The following ADCY1 variants were observed in gnomAD, a reference collection of about 807,000 sequenced individuals.
The protein encoded by ADCY1 is adenylate cyclase 1, also known as adenylate cyclase type 1.
ADCY1 carries 28 observed loss-of-function variants against 105.4 expected under a neutral mutation model. The observed-to-expected ratio is 0.27, with a 90% CI of 0.20 to 0.36. The LOEUF (loss-of-function observed/expected upper bound fraction) is 0.36. Ranked by LOEUF, ADCY1 falls within the 10% of genes least tolerant of loss-of-function variation. ADCY1 has a pLI of 1.00. For synonymous variants in ADCY1, 655 were observed against 623.8 expected, an observed-to-expected ratio of 1.05 and a Z score of -0.75; for missense variants, 977 against 1,434.2, an observed-to-expected ratio of 0.68 and a Z score of 5.15.
At chr7:45,632,749 T>C (rs1198769757) in intron 4 of ADCY1, among the ~76,000 whole-genome samples, 1 of 151,968 alleles carries the variant, frequency 6.6e-6, no homozygotes, top group East Asian at 1.9e-4. Context: ...TTTTTTTTTT[T>C]TGTAGAGACA....
intron 1 of ADCY1, among the ~76,000 whole-genome samples, chr7:45,582,185 C>T (rs1014388885): frequency 1.3e-5 from 2 of 152,242 alleles, no homozygotes; most frequent in East Asian, 1.9e-4. Flanking sequence ...TGTTCATGCT[C>T]ACCTACACTC....
At chr7:45,590,706 G>C (rs1018888661) in intron 1 of ADCY1, among the ~76,000 whole-genome samples, 5 of 152,102 alleles carry the variant, frequency 3.3e-5, no homozygotes, top group African/African-American at 1.2e-4. Context: ...TCATAGTGGA[G>C]ATTTCAAGGT....
At chr7:45,583,495 A>G (rs561883649) in intron 1 of ADCY1, among the ~76,000 whole-genome samples, 58 of 152,306 alleles carry the variant, frequency 3.8e-4, no homozygotes, top group African/African-American at 1.2e-3. Flanking sequence ...ATCAGAGTAC[A>G]GTGTTTCCTT....
At position 45,686,482 on chromosome 7, in the gene ADCY1, T is replaced by G; in HGVS notation, c.2328-65T>G. 1 of 1,557,802 alleles carries G rather than the reference T, an allele frequency of 6.4e-7. No homozygotes were observed. The highest frequency in any genetic ancestry group is 8.7e-7 in the Non-Finnish European group (1 of 1,148,950). On this transcript the variant is annotated intron_variant, in intron 13 of 19. Transcript: ENST00000297323. The surrounding 1 kb of genome is among the most constrained non-coding windows in gnomAD (Gnocchi z 4.3). Reference sequence around the variant, plus strand: ...GGTCACTCTGAACAGTTCTTGGGTTTGGTGGCAGAGTCTTGCCCTGGAAGC... The same window carrying G: ...GGTCACTCTGAACAGTTCTTGGGTTGGGTGGCAGAGTCTTGCCCTGGAAGC...
rs568396297 is a variant in ADCY1, at chr7:45,703,032, G to C, written c.2455-344G>C. On this transcript the variant is annotated intron_variant, in intron 14 of 19. Transcript: ENST00000297323. This position sits in a 1 kb window ranked among gnomAD's most constrained non-coding sequence, Gnocchi z 5.9. ...GCACATCAGGAGCTGCCTGGGGGCT[G>C]GTGGAGCCTGTGGATGGGCACATGC... Among the ~76,000 whole-genome samples, 1 of 152,354 alleles carries C rather than the reference G, an allele frequency of 6.6e-6. No individual in the cohort carries two copies. Among genetic ancestry groups the C allele is most frequent in the South Asian group, 2.1e-4 (1 of 4,834 alleles).
intron 1 of ADCY1, among the ~76,000 whole-genome samples, chr7:45,586,709 G>T (rs925831326): frequency 3.3e-5 from 5 of 152,236 alleles, no homozygotes; most frequent in African/African-American, 1.2e-4. Flanking sequence ...GGGACTGAGT[G>T]GTGTCCACTG....
intron 7 of ADCY1, 139 bp downstream of exon 7, chr7:45,660,322 C>T (rs1421335734): frequency 1.6e-6 from 2 of 1,234,254 alleles, no homozygotes; most frequent in South Asian, 1.5e-5. Context: ...GGAGAGTTGT[C>T]CCCACTGACA....
intron 6 of ADCY1, among the ~76,000 whole-genome samples, chr7:45,659,835 G>A (rs11973107): frequency 6.6e-6 from 1 of 152,148 alleles, no homozygotes; most frequent in Non-Finnish European, 1.5e-5. Flanking sequence ...CTGTCCTGCT[G>A]GGCATGGTTC....
At chr7:45,659,265 G>A (rs1267498708) in intron 6 of ADCY1, among the ~76,000 whole-genome samples, 1 of 152,190 alleles carries the variant, frequency 6.6e-6, no homozygotes, top group Non-Finnish European at 1.5e-5. Context: ...CCCTGCTTTC[G>A]TCCTCAGCCA....
In ADCY1 at chr7:45,648,726, C is replaced by A. The variant is rs761956492; in HGVS notation, c.1077C>A (p.Gly359=). Residue 359 remains glycine, a synonymous_variant, in exon 5 of 20, where the codon GGC becomes GGA. Coordinates refer to ENST00000297323, the MANE Select transcript of ADCY1 (RefSeq NM_021116.4). ...ILGDCYYCVS[G]LTQPKTDHAH... ...GGGACTGCTACTACTGCGTGTCGGG[C>A]CTCACCCAGCCCAAGACTGACCATG... is the stretch of plus-strand genomic sequence containing the variant. 2.5e-6 allele frequency: 4 copies of A among 1,614,180 alleles called. No homozygotes were observed. Among genetic ancestry groups the A allele is most frequent in the Non-Finnish European group, 3.4e-6 (4 of 1,180,020 alleles).
At chr7:45,650,529 T>G (rs1197690124) in intron 5 of ADCY1, among the ~76,000 whole-genome samples, 3 of 151,912 alleles carry the variant, frequency 2.0e-5, no homozygotes, top group Non-Finnish European at 4.4e-5. Context: ...ACAAGCAGAG[T>G]TGAATGATGT....
intron 1 of ADCY1, among the ~76,000 whole-genome samples, chr7:45,577,417 A>G (rs970709230): frequency 5.3e-5 from 8 of 152,186 alleles, no homozygotes; most frequent in African/African-American, 9.7e-5. Context: ...CTGCTTTCCA[A>G]TTAGAGAATT....
intron 4 of ADCY1, 25 bp downstream of exon 4, chr7:45,622,768 C>T (rs774276535): frequency 3.0e-5 from 48 of 1,579,316 alleles, no homozygotes; most frequent in Non-Finnish European, 3.9e-5. Context: ...TTTCTTTGTT[C>T]GAATTAAATT....
chr7:45,605,565 ATT>A (rs57760402), intron 2 of ADCY1, among the ~76,000 whole-genome samples: 3 of 147,578 alleles, frequency 2.0e-5, no homozygotes, highest in Non-Finnish European at 4.5e-5. Flanking sequence ...TTGCTATGTG[ATT>A]TTTTTTTTTA....
rs1334583472 is a variant in ADCY1, at chr7:45,664,175, G to A, written c.1605+1961G>A. The A allele has an allele frequency of 6.3e-6, 6 of 953,410 alleles. No individual in the cohort carries two copies. In the Admixed American group the frequency reaches 6.3e-5, roughly 10 times the overall value. The allele number at this position is 953,410 out of a possible 1,614,324, so 59.1% of individuals were successfully genotyped here. On this transcript the variant is annotated intron_variant, in intron 8 of 19. Coordinates refer to ENST00000297323, the MANE Select transcript of ADCY1 (RefSeq NM_021116.4). ...AGGGTGGGGCGTTCCTGCTAAAACT[G>A]GATTTTACAAGGAAGTGCACCGTTG...
chr7:45,659,827 G>C (rs1043068939), intron 6 of ADCY1, among the ~76,000 whole-genome samples: 1 of 152,120 alleles, frequency 6.6e-6, no homozygotes, highest in Non-Finnish European at 1.5e-5. Flanking sequence ...CATCCCTGCT[G>C]TCCTGCTGGG....
intron 4 of ADCY1, among the ~76,000 whole-genome samples, chr7:45,634,986 A>C (rs962926705): frequency 6.6e-6 from 1 of 152,086 alleles, no homozygotes; most frequent in African/African-American, 2.4e-5. Flanking sequence ...CCTTTTGTTG[A>C]ATTTTTTGGA....
At chr7:45,711,672 T>C (rs1212112486) in intron 19 of ADCY1, among the ~76,000 whole-genome samples, 8 of 140,716 alleles carry the variant, frequency 5.7e-5, no homozygotes, top group African/African-American at 1.6e-4. Flanking sequence ...TATACACATA[T>C]ACACATATAT....
chr7:45,718,556 A>G lies in ADCY1; in HGVS notation c.*4561A>G, dbSNP rs1248107778. 4 of 152,244 alleles carry G rather than the reference A, an allele frequency of 2.6e-5. No homozygotes were observed. Among genetic ancestry groups the G allele is most frequent in the Non-Finnish European group, 4.4e-5 (3 of 68,088 alleles). The allele number at this position is 152,244 out of a possible 1,614,324, so 9.4% of individuals were successfully genotyped here. ...AGGAACTCACATACCCCAAATAACC[A>G]TCAGTGCACAAATCATTCCATGCTC... is the stretch of plus-strand genomic sequence containing the variant. On this transcript the variant is annotated 3_prime_UTR_variant, in exon 20 of 20. Coordinates refer to ENST00000297323, the MANE Select transcript of ADCY1 (RefSeq NM_021116.4).
Sources: allele counts gnomAD v4.1 joint callset (sites outside exome capture counted in the v4.1 genomes callset), GRCh38; gene constraint gnomAD v4.1.1; non-coding constraint Gnocchi (gnomAD v3.1); transcripts MANE v1.5; gene names NCBI Gene and HGNC (gene_info 2026-07-23, HGNC 2026-07-21).